The following UGT2A2 variants were observed in gnomAD, a reference collection of about 807,000 sequenced individuals.
UGT2A2 encodes UDP-glucuronosyltransferase 2A2.
In UGT2A2, 60 loss-of-function variants were observed where a neutral mutation model predicts 50.7. That is an observed-to-expected ratio of 1.18 (90% CI 0.96 to 1.47). UGT2A2 has a LOEUF of 1.47. Among genes scored for constraint, UGT2A2 ranks in the 40% most tolerant of loss-of-function variants. The pLI, the probability that UGT2A2 is intolerant of heterozygous loss-of-function variation, is 0.00. For synonymous variants in UGT2A2, 242 were observed against 214.6 expected (o/e 1.13, Z -1.11); for missense variants, 762 against 634.0 (o/e 1.20, Z -2.17).
chr4:69,639,059 T>A lies in UGT2A2; in HGVS notation c.582A>T (p.Lys194Asn). 6.2e-7 allele frequency: 1 copy of A among 1,613,452 alleles called. No homozygotes were observed. Among genetic ancestry groups the A allele is most frequent in the Non-Finnish European group, 8.5e-7 (1 of 1,179,654 alleles). Residue 194 changes from lysine (K) to asparagine (N), a missense_variant, in exon 1 of 6, where the codon AAA (lysine) becomes AAT (asparagine). Lys to Asn is a moderately conservative substitution (Grantham distance 94). Transcript: ENST00000604629. The stretch of plus-strand genomic sequence containing the variant: ...GTACATAGGAGACTGGTGCTGGGAT[T>A]TTCCCACAGTGTCTCTCCACTGTTG... ...PASTVERHCG[K>N]IPAPVSYVPA... is the part of the protein sequence containing the mutation.
intron 1 of UGT2A2, among the ~76,000 whole-genome samples, chr4:69,607,500 T>C (rs1319480261): frequency 1.3e-5 from 2 of 151,842 alleles, no homozygotes; most frequent in East Asian, 1.9e-4. Context: ...ATTCAGGACA[T>C]AGGCATGGGC....
chr4:69,622,216 T>G (rs1474065250), intron 1 of UGT2A2, among the ~76,000 whole-genome samples: 1 of 151,456 alleles, frequency 6.6e-6, no homozygotes, highest in African/African-American at 2.4e-5. Flanking sequence ...CAAGAGAAAT[T>G]GAAAGAAAAA....
chr4:69,601,960 G>A lies in UGT2A2; in HGVS notation c.743-2566C>T, dbSNP rs979541800. Among the ~76,000 whole-genome samples the A allele has an allele frequency of 1.5e-5, 2 of 136,666 alleles. 1 individual carries two copies. The highest frequency in any genetic ancestry group is 1.4e-4 in the Admixed American group (2 of 13,860). The allele number at this position is 136,666 out of a possible 152,430, so 89.7% of individuals were successfully genotyped here. A position where few individuals can be genotyped will look rare whatever the true frequency, so the allele number is the denominator to read the frequency against. The stretch of plus-strand genomic sequence containing the variant: ...AAATTAAAGGGTAGAGTAAAACTAA[G>A]ACAACTTGAATAATTAATATAATCA... On this transcript the variant is annotated intron_variant, in intron 1 of 5. Transcript: ENST00000604629.
At chr4:69,591,492 G>A (rs1308041874) in intron 5 of UGT2A2, among the ~76,000 whole-genome samples, 1 of 152,110 alleles carries the variant, frequency 6.6e-6, no homozygotes, top group Non-Finnish European at 1.5e-5. Context: ...CTTATTTGCA[G>A]AGGAAGCCTT....
chr4:69,609,970 A>G (rs1296765771), intron 1 of UGT2A2, among the ~76,000 whole-genome samples: 2 of 152,188 alleles, frequency 1.3e-5, no homozygotes, highest in Non-Finnish European at 2.9e-5. Flanking sequence ...ACATTTCAAA[A>G]AACTAAATAA....
chr4:69,609,619 T>G (rs1719910443), intron 1 of UGT2A2, among the ~76,000 whole-genome samples: 1 of 152,204 alleles, frequency 6.6e-6, no homozygotes, highest in Non-Finnish European at 1.5e-5. Flanking sequence ...CGTGAAAGTA[T>G]AAACTAGTAT....
chr4:69,625,555 A>G (rs1721008738), intron 1 of UGT2A2, among the ~76,000 whole-genome samples: 1 of 151,114 alleles, frequency 6.6e-6, no homozygotes, highest in South Asian at 2.1e-4. Context: ...TATCCAATGT[A>G]TTTTTAATTT....
chr4:69,612,787 C>A (rs1720140262), intron 1 of UGT2A2, among the ~76,000 whole-genome samples: 1 of 151,478 alleles, frequency 6.6e-6, no homozygotes, highest in African/African-American at 2.4e-5. Context: ...TTGAAGAAAA[C>A]CTAGGATATT....
rs145210096 is a variant in UGT2A2 at position 69,590,793 on chromosome 4, A to G, written c.1332-1142T>C. Among the ~76,000 whole-genome samples, 14 of 152,346 alleles carry G rather than the reference A, an allele frequency of 9.2e-5. No homozygotes were observed. The East Asian group carries it at 2.7e-3, about 29-fold the overall frequency. On this transcript the variant is annotated intron_variant, in intron 5 of 5. Coordinates refer to ENST00000604629, the MANE Select transcript of UGT2A2 (RefSeq NM_001105677.2). ...TAAGAAGAAGAAAGCATGTTTTCCTATAAATGATGTGGGACAAAGACCATG... is the reference window on the plus strand; with the variant it reads ...TAAGAAGAAGAAAGCATGTTTTCCTGTAAATGATGTGGGACAAAGACCATG...
At chr4:69,630,591 G>C (rs563348335) in intron 1 of UGT2A2, among the ~76,000 whole-genome samples, 1 of 152,000 alleles carries the variant, frequency 6.6e-6, no homozygotes, top group South Asian at 2.1e-4. Flanking sequence ...TCATAAACAG[G>C]GAATTATAAA....
intron 1 of UGT2A2, among the ~76,000 whole-genome samples, chr4:69,605,392 T>C (rs1719548119): frequency 7.3e-6 from 1 of 136,698 alleles, no homozygotes; most frequent in Admixed American, 7.2e-5. Context: ...AGACACAACA[T>C]ACCAGAATCT....
At chr4:69,590,106 C>A (rs895083579) in intron 5 of UGT2A2, among the ~76,000 whole-genome samples, 24 of 152,174 alleles carry the variant, frequency 1.6e-4, no homozygotes, top group Non-Finnish European at 4.4e-5. Flanking sequence ...AGTCATTTTA[C>A]AGTTCTAAGA....
At chr4:69,609,701 T>C (rs1379804690) in intron 1 of UGT2A2, among the ~76,000 whole-genome samples, 1 of 152,138 alleles carries the variant, frequency 6.6e-6, no homozygotes, top group Non-Finnish European at 1.5e-5. Flanking sequence ...TACCTATACC[T>C]ATACCTATAC....
intron 1 of UGT2A2, among the ~76,000 whole-genome samples, chr4:69,612,922 T>C (rs1476337476): frequency 1.6e-5 from 2 of 123,656 alleles, no homozygotes; most frequent in Admixed American, 7.9e-5. Context: ...AAAAAAAAAC[T>C]ATCCAGAGAG....
chr4:69,631,690 T>A (rs1016895575), intron 1 of UGT2A2, among the ~76,000 whole-genome samples: 5 of 152,254 alleles, frequency 3.3e-5, no homozygotes, highest in Admixed American at 2.0e-4. Flanking sequence ...TGTCCACTAA[T>A]TATCCCAGCT....
intron 5 of UGT2A2, among the ~76,000 whole-genome samples, chr4:69,593,758 C>T (rs754302585): frequency 3.3e-5 from 5 of 151,526 alleles, no homozygotes; most frequent in Non-Finnish European, 7.4e-5. Context: ...TTAAAGGTAT[C>T]GAATGGTATA....
At chr4:69,624,703 T>G (rs1720937752) in intron 1 of UGT2A2, among the ~76,000 whole-genome samples, 1 of 151,416 alleles carries the variant, frequency 6.6e-6, no homozygotes, top group African/African-American at 2.4e-5. Context: ...GACAGTATAC[T>G]TCCTGTATCT....
chr4:69,638,826 A>G (rs1364106102), intron 1 of UGT2A2, 73 bp downstream of exon 1: 1 of 1,448,908 alleles, frequency 6.9e-7, no homozygotes, highest in African/African-American at 1.4e-5. Context: ...GTGGAATGGA[A>G]ATCGTTTGCC....
chr4:69,607,560 T>C (rs1396160163), intron 1 of UGT2A2, among the ~76,000 whole-genome samples: 1 of 151,908 alleles, frequency 6.6e-6, no homozygotes, highest in Non-Finnish European at 1.5e-5. Flanking sequence ...AAAGCCAAAA[T>C]TGACAAATGG....
Sources: allele counts gnomAD v4.1 joint callset (sites outside exome capture counted in the v4.1 genomes callset), GRCh38; gene constraint gnomAD v4.1.1; transcripts MANE v1.5; gene names NCBI Gene and HGNC (gene_info 2026-07-23, HGNC 2026-07-21).